PDS5A: variants seen among roughly 807,000 people sequenced by gnomAD.
The protein encoded by PDS5A is sister chromatid cohesion protein PDS5 homolog A.
In PDS5A, 42 loss-of-function variants were observed where a neutral mutation model predicts 167.1. The observed-to-expected ratio is 0.25, with a 90% CI of 0.20 to 0.33. The LOEUF is 0.33. Ranked by LOEUF, PDS5A falls within the 10% of genes least tolerant of loss-of-function variation. The pLI, the probability that PDS5A is intolerant of heterozygous loss-of-function variation, is 1.00. For missense variants in PDS5A, 1,033 were observed against 1,605.9 expected (o/e 0.64, Z 6.10); for synonymous variants, 553 against 554.6 (o/e 1.00, Z 0.04).
At chr4:39,844,352 G>A (rs1391954849) in intron 30 of PDS5A, among the ~76,000 whole-genome samples, 1 of 151,920 alleles carries the variant, frequency 6.6e-6, no homozygotes, top group East Asian at 1.9e-4. Context: ...GCAGGCGCCT[G>A]TAATTCCAGC....
chr4:39,867,774 A>ACC (rs1553892710), intron 22 of PDS5A, among the ~76,000 whole-genome samples: 7,324 of 108,416 alleles, frequency 0.068, 582 homozygotes, highest in African/African-American at 0.24. Flanking sequence ...ACACACACAC[A>ACC]CCCCACAACT....
intron 2 of PDS5A, among the ~76,000 whole-genome samples, chr4:39,948,288 C>A: frequency 1.4e-5 from 2 of 140,370 alleles, no homozygotes; most frequent in Admixed American, 7.2e-5. Context: ...GCATTATTCA[C>A]AATAGCCAAA....
Position 39,908,703 on chromosome 4 carries a change from C to A in PDS5A, c.1088-163G>T. On this transcript the variant is annotated intron_variant, in intron 10 of 32. Coordinates refer to ENST00000303538, the MANE Select transcript of PDS5A (RefSeq NM_001100399.2). ...ATGTTATTTTTACAGCAGCAGTACT[C>A]TACTGTAATCACAAAACTGCACTTT... 8.5e-6 allele frequency: 5 copies of A among 591,478 alleles called. No individual in the cohort carries two copies. The South Asian group carries it at 1.1e-4, about 13-fold the overall frequency. 36.6% of individuals were successfully genotyped at this position (591,478 alleles called of 1,614,324 possible).
chr4:39,894,784 C>T (rs573531327), intron 16 of PDS5A, among the ~76,000 whole-genome samples: 11 of 152,240 alleles, frequency 7.2e-5, no homozygotes, highest in Middle Eastern at 3.4e-3. Context: ...AAGCATAGTA[C>T]TTGACGTTTA....
intron 17 of PDS5A, among the ~76,000 whole-genome samples, chr4:39,881,516 AC>A (rs1271316032): frequency 2.0e-5 from 3 of 152,204 alleles, no homozygotes; most frequent in Non-Finnish European, 4.4e-5. Flanking sequence ...CATTAAAAAA[AC>A]AAATTGCTGT....
intron 26 of PDS5A, among the ~76,000 whole-genome samples, chr4:39,859,171 C>A (rs1352059888): frequency 6.6e-6 from 1 of 152,138 alleles, no homozygotes; most frequent in African/African-American, 2.4e-5. Flanking sequence ...TGGTAAAAAA[C>A]TGCAAATTTT....
intron 28 of PDS5A, 200 bp from the exon 29 acceptor site, chr4:39,846,080 C>T (rs1016567413): frequency 1.8e-5 from 7 of 388,028 alleles, no homozygotes; most frequent in African/African-American, 4.1e-5. Context: ...ACTGATGGCA[C>T]GCAGACTTAG....
chr4:39,969,960 CTTTTT>C (rs10593975), intron 2 of PDS5A, among the ~76,000 whole-genome samples: 1 of 143,044 alleles, frequency 7.0e-6, no homozygotes. Flanking sequence ...AATGTAGAAT[CTTTTT>C]TTTTTTTTTT....
At chr4:39,827,103 C>A (rs1176645701) in intron 32 of PDS5A, among the ~76,000 whole-genome samples, 1 of 151,162 alleles carries the variant, frequency 6.6e-6, no homozygotes, top group African/African-American at 2.4e-5. Flanking sequence ...CAGGTTCAAG[C>A]GATTCTCCTG....
intron 22 of PDS5A, among the ~76,000 whole-genome samples, chr4:39,867,484 GGCGTTTGAGACCA>G (rs1434666919): frequency 4.0e-5 from 6 of 150,670 alleles, no homozygotes; most frequent in African/African-American, 1.5e-4. Flanking sequence ...CTTGAGGTCA[GGCGTTTGAGACCA>G]GCCTAGCCAA....
chr4:39,959,056 C>CA (rs1208096023), intron 2 of PDS5A, among the ~76,000 whole-genome samples: 1 of 152,182 alleles, frequency 6.6e-6, no homozygotes, highest in African/African-American at 2.4e-5. Context: ...AATTTCTTGA[C>CA]AATCAAAATT....
intron 18 of PDS5A, 84 bp downstream of exon 18, chr4:39,879,644 T>C (rs1243244970): frequency 1.4e-6 from 1 of 696,810 alleles, no homozygotes; most frequent in East Asian, 2.5e-5. Flanking sequence ...TCCTGTGAAA[T>C]AAGCCTGACT....
Position 39,977,140 on chromosome 4 carries a change from G to T in PDS5A, c.-41+317C>A, listed in dbSNP as rs1394525615. 6.6e-6 allele frequency among the ~76,000 whole-genome samples: 1 copy of T among 151,790 alleles called. No individual in the cohort carries two copies. The highest frequency in any genetic ancestry group is 1.5e-5 in the Non-Finnish European group (1 of 67,912). The stretch of plus-strand genomic sequence containing the variant: ...CCTCGGACCCGGGGTAGTCCCCGCC[G>T]CGCTGCCACCCCTCCCCTGTTCCGC... On this transcript the variant is annotated intron_variant, in intron 1 of 32. Transcript: ENST00000303538. This position sits in a 1 kb window ranked among gnomAD's most constrained non-coding sequence, Gnocchi z 4.2.
Position 39,869,374 on chromosome 4 carries a change from C to T in PDS5A, c.2505+20G>A, listed in dbSNP as rs192666413. 7.0e-7 allele frequency: 1 copy of T among 1,427,272 alleles called. No homozygotes were observed. Among genetic ancestry groups the T allele is most frequent in the Non-Finnish European group, 9.9e-7 (1 of 1,013,128 alleles). The allele number at this position is 1,427,272 out of a possible 1,614,324, so 88.4% of individuals were successfully genotyped here. ...TCCCTTTTTTAAACATGAAGATTAT[C>T]AAGGCCTAAACAAATTTACCTTTGC... On this transcript the variant is annotated intron_variant, in intron 22 of 32. Transcript: ENST00000303538.
chr4:39,921,998 T>C (rs1725025314), intron 6 of PDS5A, among the ~76,000 whole-genome samples: 1 of 152,344 alleles, frequency 6.6e-6, no homozygotes, highest in East Asian at 1.9e-4. Flanking sequence ...AACAGGATAC[T>C]GAACCACTAG....
chr4:39,942,580 C>A (rs186726680), intron 2 of PDS5A, among the ~76,000 whole-genome samples: 85 of 152,198 alleles, frequency 5.6e-4, no homozygotes, highest in African/African-American at 2.0e-3. Context: ...TCATGCACCA[C>A]CACACTCACC....
At position 39,928,160 on chromosome 4, in the gene PDS5A, A is replaced by G. The variant is rs1725627409; in HGVS notation, c.143T>C (p.Val48Ala). 1 of 1,595,446 alleles carries G rather than the reference A, an allele frequency of 6.3e-7. No homozygotes were observed. The highest frequency in any genetic ancestry group is 1.1e-5 in the South Asian group (1 of 89,782). ...TDEMIKRLKM[V>A]VKTFMDMDQD... ...ATCCATATCCATAAAGGTTTTCACTACCATCTGTAAAAATGTACAAAAACA... is the reference window on the plus strand; with the variant it reads ...ATCCATATCCATAAAGGTTTTCACTGCCATCTGTAAAAATGTACAAAAACA... The change falls in exon 3 of 33, where the codon GTA (valine) becomes GCA (alanine). Residue 48 changes from valine to alanine, a missense_variant. Coordinates refer to ENST00000303538, the MANE Select transcript of PDS5A (RefSeq NM_001100399.2).
At chr4:39,843,557 C>T (rs1332120486) in intron 30 of PDS5A, among the ~76,000 whole-genome samples, 1 of 151,586 alleles carries the variant, frequency 6.6e-6, no homozygotes, top group African/African-American at 2.4e-5. Flanking sequence ...ACTAAAAATA[C>T]AGAAATTAGC....
chr4:39,940,917 G>A (rs763955958), intron 2 of PDS5A, among the ~76,000 whole-genome samples: 1 of 152,166 alleles, frequency 6.6e-6, no homozygotes, highest in Non-Finnish European at 1.5e-5. Context: ...CAATCCACCC[G>A]TCTTGGCCTC....
Sources: gnomAD v4.1 joint callset for allele counts (sites outside exome capture counted in the v4.1 genomes callset) on GRCh38, gnomAD v4.1.1 for gene constraint, Gnocchi (gnomAD v3.1) non-coding constraint, MANE v1.5 for transcripts, NCBI Gene and HGNC (gene_info 2026-07-23, HGNC 2026-07-21) for gene names.